ACMSD: variants seen among roughly 807,000 people sequenced by gnomAD.
The protein encoded by ACMSD is 2-amino-3-carboxymuconate-6-semialdehyde decarboxylase.
ACMSD carries 37 observed loss-of-function variants against 45.9 expected under a neutral mutation model. The ratio of observed to expected loss-of-function variants is 0.81; its 90% CI spans 0.62 to 1.06. The LOEUF (loss-of-function observed/expected upper bound fraction) is 1.06, where lower values mean the gene tolerates loss of function less well. Among genes scored for constraint, ACMSD ranks in the 50% least tolerant of loss-of-function variants. The pLI, the probability that ACMSD is intolerant of heterozygous loss-of-function variation, is 0.00. For synonymous variants in ACMSD, 138 were observed against 148.8 expected, an observed-to-expected ratio of 0.93 and a Z score of 0.53; for missense variants, 434 against 420.9, an observed-to-expected ratio of 1.03 and a Z score of -0.27.
Position 134,863,435 on chromosome 2 carries a change from A to G in ACMSD, c.290A>G (p.Asn97Ser). The G allele has an allele frequency of 1.2e-6, 2 of 1,614,194 alleles. No individual in the cohort carries two copies. The highest frequency in any genetic ancestry group is 1.7e-6 in the Non-Finnish European group (2 of 1,180,032). Residue 97 changes from asparagine to serine, a missense_variant, in exon 5 of 10, where the codon AAC becomes AGC. Physicochemically the swap from Asn to Ser is conservative, Grantham distance 46 (BLOSUM62 1). Transcript: ENST00000356140. ...ACTTTAAACCTGTGCCAGCTTTTAA[A>G]CAACGACCTTGCCAGCACCGTTGTG... Reference protein sequence around the residue: ...EDTLNLCQLLNNDLASTVVSY... With the variant: ...EDTLNLCQLLSNDLASTVVSY...
At chr2:134,876,834 T>C (rs760854702) in intron 8 of ACMSD, among the ~76,000 whole-genome samples, 2 of 152,234 alleles carry the variant, frequency 1.3e-5, no homozygotes, top group Non-Finnish European at 2.9e-5. Context: ...CAGGCTGGAA[T>C]GCAGTGGCAT....
chr2:134,896,836 T>C (rs962298077), intron 8 of ACMSD, among the ~76,000 whole-genome samples: 3 of 152,124 alleles, frequency 2.0e-5, no homozygotes, highest in Non-Finnish European at 4.4e-5. Context: ...TTGAAAACAT[T>C]AAACTAAATG....
chr2:134,872,690 A>G, intron 8 of ACMSD, 49 bp downstream of exon 8: 1 of 1,597,246 alleles, frequency 6.3e-7, no homozygotes, highest in East Asian at 2.2e-5. Flanking sequence ...AGAATGCTGC[A>G]TCAGCAACCC....
At chr2:134,897,005 A>G (rs1168576987) in intron 8 of ACMSD, among the ~76,000 whole-genome samples, 1 of 151,498 alleles carries the variant, frequency 6.6e-6, no homozygotes, top group Non-Finnish European at 1.5e-5. Flanking sequence ...GAGGTGACAA[A>G]AATCTGTGGT....
chr2:134,874,180 T>C (rs2104892953), intron 8 of ACMSD, among the ~76,000 whole-genome samples: 1 of 152,326 alleles, frequency 6.6e-6, no homozygotes, highest in African/African-American at 2.4e-5. Context: ...CACGTGTGAA[T>C]ATATTCCTAT....
At chr2:134,858,273 C>T (rs1477425237) in intron 2 of ACMSD, among the ~76,000 whole-genome samples, 1 of 151,880 alleles carries the variant, frequency 6.6e-6, no homozygotes, top group East Asian at 1.9e-4. Context: ...GTGAAATAAG[C>T]CAGACATAAA....
intron 8 of ACMSD, among the ~76,000 whole-genome samples, chr2:134,885,312 T>TATA (rs1689303484): frequency 9.9e-6 from 1 of 101,304 alleles, no homozygotes; most frequent in South Asian, 2.7e-4. Flanking sequence ...TTTAAATATA[T>TATA]ATATATAAAT....
chr2:134,887,003 A>T (rs954497212), intron 8 of ACMSD, among the ~76,000 whole-genome samples: 6 of 152,216 alleles, frequency 3.9e-5, no homozygotes, highest in African/African-American at 9.6e-5. Context: ...ATAGTGTTTT[A>T]AAAAAATACT....
chr2:134,841,466 G>A (rs187284319), intron 1 of ACMSD, among the ~76,000 whole-genome samples: 8 of 152,088 alleles, frequency 5.3e-5, no homozygotes, highest in Admixed American at 1.3e-4. Context: ...TTTCATTTTC[G>A]CTTGCTAATA....
chr2:134,898,213 G>T, intron 8 of ACMSD, 128 bp from the exon 9 acceptor site: 2 of 537,176 alleles, frequency 3.7e-6, no homozygotes, highest in Non-Finnish European at 6.2e-6. Flanking sequence ...CAAGTTTTAT[G>T]TTTCTATTAA....
chr2:134,877,009 G>A (rs1688770197), intron 8 of ACMSD, among the ~76,000 whole-genome samples: 1 of 152,074 alleles, frequency 6.6e-6, no homozygotes, highest in Admixed American at 6.6e-5. Flanking sequence ...CTGACTTCAG[G>A]TGATCCACCC....
chr2:134,844,354 C>G (rs1573613258), intron 1 of ACMSD: 1 of 152,130 alleles, frequency 6.6e-6, no homozygotes, highest in African/African-American at 2.4e-5. Flanking sequence ...CTTATGTTTT[C>G]CAAGAAGCAG....
At chr2:134,880,081 G>T (rs368242361) in intron 8 of ACMSD, among the ~76,000 whole-genome samples, 3 of 152,090 alleles carry the variant, frequency 2.0e-5, no homozygotes, top group Non-Finnish European at 4.4e-5. Flanking sequence ...TTCATCCTTC[G>T]CAATGACCTA....
At chr2:134,844,636 T>G (rs1023501294) in intron 1 of ACMSD, among the ~76,000 whole-genome samples, 1 of 152,142 alleles carries the variant, frequency 6.6e-6, no homozygotes, top group African/African-American at 2.4e-5. Context: ...TCTGACCTAC[T>G]AGGATGGCTT....
chr2:134,849,388 A>C (rs867540209), intron 2 of ACMSD, among the ~76,000 whole-genome samples: 1 of 152,236 alleles, frequency 6.6e-6, no homozygotes, highest in African/African-American at 2.4e-5. Flanking sequence ...TGTATTTTTC[A>C]TAATTACAGT....
rs1686734235 is a variant in ACMSD at position 134,840,191 on chromosome 2, A to AAAAAAAAAAAAAAAG, written c.57+1454_57+1455insAAAAAAAAAAAAGAA. 1.6e-5 allele frequency among the ~76,000 whole-genome samples: 2 copies of AAAAAAAAAAAAAAAG among 125,724 alleles called. 1 individual carries two copies. Among genetic ancestry groups the AAAAAAAAAAAAAAAG allele is most frequent in the Non-Finnish European group, 3.4e-5 (2 of 59,180 alleles). The allele number at this position is 125,724 out of a possible 152,430, so 82.5% of individuals were successfully genotyped here. A position where few individuals can be genotyped will look rare whatever the true frequency, so the allele number is the denominator to read the frequency against. ...GCAAAAAAAAAAAAAAAAAAAAAAA[A>AAAAAAAAAAAAAAAG]AACCACTAATTCCTCTGTTACAGCT... On this transcript the variant is annotated intron_variant, in intron 1 of 9. Transcript: ENST00000356140.
rs975944850 is a variant in ACMSD at position 134,885,058 on chromosome 2, T to C, written c.849+12417T>C. ...GGAAAATTCAAAAATTAGCCAGGCATGGTGGTGCACACCTGTAGTCCCAGC... is the reference window on the plus strand; with the variant it reads ...GGAAAATTCAAAAATTAGCCAGGCACGGTGGTGCACACCTGTAGTCCCAGC... On this transcript the variant is annotated intron_variant, in intron 8 of 9. Coordinates refer to ENST00000356140, the MANE Select transcript of ACMSD (RefSeq NM_138326.3). 4.0e-5 allele frequency among the ~76,000 whole-genome samples: 6 copies of C among 150,330 alleles called. No homozygotes were observed. The Admixed American group carries it at 4.0e-4, about 10-fold the overall frequency.
chr2:134,859,588 T>C lies in ACMSD; in HGVS notation c.199+231T>C, dbSNP rs906900351. On this transcript the variant is annotated intron_variant, in intron 3 of 9. Coordinates refer to ENST00000356140, the MANE Select transcript of ACMSD (RefSeq NM_138326.3). Reference sequence around the variant, plus strand: ...CCCTGTTTTAAAATAGAATGCTATATCATGAAAAAGATAAAAATGGCATTT... The same window carrying C: ...CCCTGTTTTAAAATAGAATGCTATACCATGAAAAAGATAAAAATGGCATTT... The C allele has an allele frequency of 1.0e-5, 4 of 388,264 alleles. No homozygotes were observed. The South Asian group carries it at 3.4e-4, about 33-fold the overall frequency. 24.1% of individuals were successfully genotyped at this position (388,264 alleles called of 1,614,324 possible). A position where few individuals can be genotyped will look rare whatever the true frequency, so the allele number is the denominator to read the frequency against.
At chr2:134,864,434 G>A (rs577098294) in intron 5 of ACMSD, among the ~76,000 whole-genome samples, 1 of 152,200 alleles carries the variant, frequency 6.6e-6, no homozygotes, top group South Asian at 2.1e-4. Flanking sequence ...ACCATACATA[G>A]TTACTTTCTT....
Sources: gnomAD v4.1 joint callset for allele counts (sites outside exome capture counted in the v4.1 genomes callset) on GRCh38, gnomAD v4.1.1 for gene constraint, MANE v1.5 for transcripts, NCBI Gene and HGNC (gene_info 2026-07-23, HGNC 2026-07-21) for gene names.